Variants in GRIK4 observed in about 807,000 individuals in gnomAD.
The protein encoded by GRIK4 is glutamate ionotropic receptor kainate type subunit 4.
GRIK4 carries 40 observed loss-of-function variants against 104.9 expected under a neutral mutation model. The observed-to-expected ratio is 0.38, with a 90% confidence interval of 0.30 to 0.50. The LOEUF (loss-of-function observed/expected upper bound fraction) is 0.50. Ranked by LOEUF, GRIK4 falls within the 20% of genes least tolerant of loss-of-function variation. The probability of loss-of-function intolerance (pLI) is 0.93; values close to 1 mark genes in which losing one functional copy is unlikely to be tolerated. For synonymous variants in GRIK4, 485 were observed against 524.9 expected, an observed-to-expected ratio of 0.92 and a Z score of 1.04; for missense variants, 1,047 against 1,308.1, an observed-to-expected ratio of 0.80 and a Z score of 3.08.
chr11:120,804,507 C>G (rs748547027), intron 4 of GRIK4, among the ~76,000 whole-genome samples: 2 of 152,220 alleles, frequency 1.3e-5, no homozygotes, highest in Non-Finnish European at 2.9e-5. Flanking sequence ...TCTTCCCTCT[C>G]TCTTAGTTTG....
chr11:120,654,305 G>T (rs1173950155), intron 2 of GRIK4, among the ~76,000 whole-genome samples: 1 of 152,216 alleles, frequency 6.6e-6, no homozygotes, highest in African/African-American at 2.4e-5. Flanking sequence ...AAATGGAGAT[G>T]CAATGCCATC....
intron 1 of GRIK4, among the ~76,000 whole-genome samples, chr11:120,557,743 G>A (rs891829928): frequency 1.7e-4 from 26 of 152,252 alleles, no homozygotes; most frequent in African/African-American, 5.5e-4. Flanking sequence ...CGGGCCGGGC[G>A]CGGTGGCTCA....
At chr11:120,925,377 C>T (rs1943321106) in intron 13 of GRIK4, among the ~76,000 whole-genome samples, 2 of 152,188 alleles carry the variant, frequency 1.3e-5, no homozygotes, top group African/African-American at 4.8e-5. Flanking sequence ...CAGCTTTACA[C>T]AGGCCCCCGA....
At chr11:120,624,013 C>T (rs1221064425) in intron 1 of GRIK4, among the ~76,000 whole-genome samples, 1 of 148,714 alleles carries the variant, frequency 6.7e-6, no homozygotes, top group Non-Finnish European at 1.5e-5. Flanking sequence ...CCCTTTCCGC[C>T]CTGCCTCTCT....
At chr11:120,512,945 C>T (rs1174031331) in intron 1 of GRIK4, among the ~76,000 whole-genome samples, 1 of 152,104 alleles carries the variant, frequency 6.6e-6, no homozygotes, top group Admixed American at 6.6e-5. Context: ...CAATGCGGGC[C>T]GAGCCACTCC....
intron 13 of GRIK4, among the ~76,000 whole-genome samples, chr11:120,912,758 A>T (rs1943027994): frequency 1.3e-5 from 2 of 152,188 alleles, no homozygotes. Flanking sequence ...TCGCTTATGT[A>T]AGCAGCTGCT....
chr11:120,951,345 G>C (rs1943996277), intron 14 of GRIK4, among the ~76,000 whole-genome samples: 1 of 152,228 alleles, frequency 6.6e-6, no homozygotes, highest in Non-Finnish European at 1.5e-5. Context: ...AATAGCTATT[G>C]CTACTTGGAG....
chr11:120,815,369 T>C lies in GRIK4; in HGVS notation c.248-9T>C. ...TTGCTTCTTTCCCTGTCCCTGCCGCTGGCTGCAGTGTGTCAGATCCTCCCC... is the reference window on the plus strand; with the variant it reads ...TTGCTTCTTTCCCTGTCCCTGCCGCCGGCTGCAGTGTGTCAGATCCTCCCC... On this transcript the variant is annotated splice_polypyrimidine_tract_variant and intron_variant, in intron 4 of 20. Coordinates refer to ENST00000527524, the MANE Select transcript of GRIK4 (RefSeq NM_014619.5). 1 of 1,509,772 alleles carries C rather than the reference T, an allele frequency of 6.6e-7. No individual in the cohort carries two copies. Among genetic ancestry groups the C allele is most frequent in the Non-Finnish European group, 9.0e-7 (1 of 1,109,976 alleles). The allele number at this position is 1,509,772 out of a possible 1,614,324, so 93.5% of individuals were successfully genotyped here.
Position 120,940,524 on chromosome 11 carries a change from TACGGGAATAATGA to T in GRIK4, c.1590+66_1590+78del. On this transcript the variant is annotated intron_variant, in intron 14 of 20. Coordinates refer to ENST00000527524, the MANE Select transcript of GRIK4 (RefSeq NM_014619.5). This position sits in a 1 kb window ranked among gnomAD's most constrained non-coding sequence, Gnocchi z 4.3. ...TTATTTGCATGCAAACACTGAGTTA[TACGGGAATAATGA>T]ATGACTCATGGAAATATTTAGATTT... 1.1e-6 allele frequency: 1 copy of T among 883,676 alleles called. No individual in the cohort carries two copies. Among genetic ancestry groups the T allele is most frequent in the Non-Finnish European group, 1.9e-6 (1 of 536,852 alleles). The allele number at this position is 883,676 out of a possible 1,614,324, so 54.7% of individuals were successfully genotyped here.
chr11:120,562,796 T>C (rs1948255799), intron 1 of GRIK4, among the ~76,000 whole-genome samples: 2 of 152,108 alleles, frequency 1.3e-5, no homozygotes, highest in Non-Finnish European at 2.9e-5. Context: ...CTTGGACTAA[T>C]TTGAGAGACT....
chr11:120,735,445 G>T (rs1951204408), intron 3 of GRIK4, among the ~76,000 whole-genome samples: 1 of 152,114 alleles, frequency 6.6e-6, no homozygotes, highest in Admixed American at 6.5e-5. Context: ...GGTGATGGAA[G>T]CACCCCTATG....
rs116916036 is a variant in GRIK4 at position 120,769,784 on chromosome 11, A to G, written c.83-32909A>G. On this transcript the variant is annotated intron_variant, in intron 3 of 20. Transcript: ENST00000527524. ...GTCAACTTCAGTATGCTCTACTAAC[A>G]GCTTGGTGTTTTTGAGGGTCTGCAA... Among the ~76,000 whole-genome samples the G allele has an allele frequency of 3.6e-3, 541 of 152,308 alleles. 11 individuals are homozygous for G. The East Asian group carries it at 0.064, about 18-fold the overall frequency.
chr11:120,964,390 TCTGTGAA>T (rs1944348017), intron 18 of GRIK4, among the ~76,000 whole-genome samples: 1 of 152,322 alleles, frequency 6.6e-6, no homozygotes, highest in East Asian at 1.9e-4. Flanking sequence ...CACTAGGAGT[TCTGTGAA>T]CTGTGAACTG....
intron 1 of GRIK4, among the ~76,000 whole-genome samples, chr11:120,627,022 GC>G (rs1234565802): frequency 6.6e-5 from 10 of 152,192 alleles, no homozygotes; most frequent in Admixed American, 4.6e-4. Context: ...AAGGCCCTGG[GC>G]AGAGGCCACG....
At chr11:120,670,086 C>T (rs11217956) in intron 3 of GRIK4, among the ~76,000 whole-genome samples, 45,773 of 152,148 alleles carry the variant, frequency 0.3, 7,512 homozygotes, top group East Asian at 0.52. Context: ...TTGGTCTCAT[C>T]TTTCTCTGAT....
At chr11:120,930,016 C>T (rs1943450837) in intron 13 of GRIK4, among the ~76,000 whole-genome samples, 1 of 151,136 alleles carries the variant, frequency 6.6e-6, no homozygotes, top group Admixed American at 6.6e-5. Context: ...GGGGGGGTCC[C>T]CTCCTTACCC....
chr11:120,897,086 G>A (rs1039464636), intron 11 of GRIK4, among the ~76,000 whole-genome samples: 2 of 152,082 alleles, frequency 1.3e-5, no homozygotes, highest in African/African-American at 2.4e-5. Context: ...AGGCCAAGGC[G>A]GGAGGATTAC....
At chr11:120,675,862 A>G (rs1950092102) in intron 3 of GRIK4, among the ~76,000 whole-genome samples, 1 of 152,176 alleles carries the variant, frequency 6.6e-6, no homozygotes, top group Admixed American at 6.5e-5. Context: ...TACCATAATT[A>G]TTATTACTGT....
At chr11:120,550,570 G>T (rs1948130431) in intron 1 of GRIK4, among the ~76,000 whole-genome samples, 1 of 152,174 alleles carries the variant, frequency 6.6e-6, no homozygotes. Context: ...TGGCATTCTG[G>T]GGTATGCCAA....
Sources: allele counts gnomAD v4.1 joint callset (sites outside exome capture counted in the v4.1 genomes callset), GRCh38; gene constraint gnomAD v4.1.1; non-coding constraint Gnocchi (gnomAD v3.1); transcripts MANE v1.5; gene names NCBI Gene and HGNC (gene_info 2026-07-23, HGNC 2026-07-21).